CDH12: variants seen among roughly 807,000 people sequenced by gnomAD.
CDH12 encodes the protein cadherin-12.
CDH12 carries 41 observed loss-of-function variants against 74.1 expected under a neutral mutation model. That is an observed-to-expected ratio of 0.55 (90% CI 0.43 to 0.72). The LOEUF is 0.72. Among genes scored for constraint, CDH12 ranks in the 30% least tolerant of loss-of-function variants. The probability of loss-of-function intolerance (pLI) is 0.00; values close to 1 mark genes in which losing one functional copy is unlikely to be tolerated. For missense variants in CDH12, 945 were observed against 977.2 expected (o/e 0.97, Z 0.44); for synonymous variants, 399 against 355.0 (o/e 1.12, Z -1.39).
intron 3 of CDH12, among the ~76,000 whole-genome samples, chr5:22,313,296 GT>G (rs1738468465): frequency 6.6e-6 from 1 of 151,976 alleles, no homozygotes; most frequent in Non-Finnish European, 1.5e-5. Context: ...AAAGTGCCAT[GT>G]TTTTCTAAAT....
intron 1 of CDH12, among the ~76,000 whole-genome samples, chr5:22,588,641 T>C (rs1332485622): frequency 6.6e-6 from 1 of 152,156 alleles, no homozygotes; most frequent in African/African-American, 2.4e-5. Context: ...GAGAAACAAA[T>C]ATCCAGTCAA....
chr5:22,396,353 C>T (rs1200914827), intron 3 of CDH12, among the ~76,000 whole-genome samples: 2 of 152,076 alleles, frequency 1.3e-5, no homozygotes, highest in Non-Finnish European at 2.9e-5. Context: ...GCAAAGGAGA[C>T]TTTCTGCCTG....
At chr5:22,369,649 G>A (rs183429968) in intron 3 of CDH12, among the ~76,000 whole-genome samples, 1 of 152,182 alleles carries the variant, frequency 6.6e-6, no homozygotes, top group Non-Finnish European at 1.5e-5. Flanking sequence ...CTGAGGAGAT[G>A]CCACCATTTT....
At position 22,198,838 on chromosome 5, in the gene CDH12, C is replaced by T. The variant is rs189712819; in HGVS notation, c.-187+13660G>A. On this transcript the variant is annotated intron_variant, in intron 4 of 14. Transcript: ENST00000382254. ...AGCAGAATCACCCTCTTTACCAATC[C>T]TCAAGATTTTGAAATGTTTAACAAA... 6.8e-4 allele frequency among the ~76,000 whole-genome samples: 104 copies of T among 152,016 alleles called. 1 individual carries two copies. The East Asian group carries it at 0.016, about 23-fold the overall frequency.
rs556998190 is a variant in CDH12 at position 22,695,646 on chromosome 5, C to A, written c.-523+157412G>T. Among the ~76,000 whole-genome samples the A allele has an allele frequency of 8.5e-5, 13 of 152,270 alleles. No homozygotes were observed. The South Asian group carries it at 1.9e-3, about 22-fold the overall frequency. ...TCTAAATTTTCTAGTTTCTTCTTGACAATCTTTGGGTATTCTTTCTAATAA... is the reference window on the plus strand; with the variant it reads ...TCTAAATTTTCTAGTTTCTTCTTGAAAATCTTTGGGTATTCTTTCTAATAA... On this transcript the variant is annotated intron_variant, in intron 1 of 14. Coordinates refer to ENST00000382254, the MANE Select transcript of CDH12 (RefSeq NM_004061.5).
intron 3 of CDH12, among the ~76,000 whole-genome samples, chr5:22,314,372 G>A (rs1170089453): frequency 6.6e-6 from 1 of 152,130 alleles, no homozygotes; most frequent in Non-Finnish European, 1.5e-5. Context: ...CTTTTAGGGT[G>A]GAGCCCTAAT....
intron 4 of CDH12, among the ~76,000 whole-genome samples, chr5:22,153,614 G>A (rs911744608): frequency 6.6e-6 from 1 of 151,092 alleles, no homozygotes; most frequent in African/African-American, 2.4e-5. Flanking sequence ...TATCTGTAAA[G>A]TGGGAGTTAC....
At chr5:21,921,641 A>G (rs1464645851) in intron 6 of CDH12, among the ~76,000 whole-genome samples, 1 of 152,228 alleles carries the variant, frequency 6.6e-6, no homozygotes, top group Non-Finnish European at 1.5e-5. Flanking sequence ...TGAAAAAGAA[A>G]GACAATCCTT....
chr5:21,755,829 C>G lies in CDH12; in HGVS notation c.1647G>C (p.Gly549=), dbSNP rs764043124. The part of the protein sequence containing the change: ...TVRDFRNNTA[G]IETRRNGYSR... ...TGTATCCATTTCTTCGGGTTTCAAT[C>G]CCCGCTGTGTTGTCTACAAAACATG... Residue 549 remains glycine, a synonymous_variant, in exon 14 of 15, where the codon GGG becomes GGC. Transcript: ENST00000382254. 4 of 1,614,004 alleles carry G rather than the reference C, an allele frequency of 2.5e-6. No homozygotes were observed. The highest frequency in any genetic ancestry group is 2.2e-5 in the South Asian group (2 of 91,076).
chr5:22,550,890 G>A (rs148381754), intron 1 of CDH12, among the ~76,000 whole-genome samples: 264 of 152,268 alleles, frequency 1.7e-3, no homozygotes, highest in African/African-American at 6.1e-3. Context: ...CTTCAGCCAG[G>A]TGAGGCTTTT....
intron 13 of CDH12, among the ~76,000 whole-genome samples, 163 bp downstream of exon 13, chr5:21,760,395 T>C (rs1207078116): frequency 1.3e-5 from 2 of 152,170 alleles, no homozygotes; most frequent in Non-Finnish European, 2.9e-5. Context: ...TCTGTATAGA[T>C]TAAATATTTA....
chr5:22,738,782 C>G (rs1744870774), intron 1 of CDH12, among the ~76,000 whole-genome samples: 1 of 151,924 alleles, frequency 6.6e-6, no homozygotes, highest in African/African-American at 2.4e-5. Flanking sequence ...TTAATTACTT[C>G]AAAGGCACAC....
chr5:21,922,021 A>G (rs1053244109), intron 6 of CDH12, among the ~76,000 whole-genome samples: 22 of 152,104 alleles, frequency 1.4e-4, no homozygotes, highest in Admixed American at 1.4e-3. Flanking sequence ...AACTTCTTTT[A>G]CCATGGGGGT....
At chr5:21,939,858 A>C (rs1755251937) in intron 6 of CDH12, among the ~76,000 whole-genome samples, 1 of 152,144 alleles carries the variant, frequency 6.6e-6, no homozygotes, top group South Asian at 2.1e-4. Context: ...GTTCTTAATA[A>C]TTAAAAATAT....
At chr5:22,760,735 TCAAA>T (rs1171997860) in intron 1 of CDH12, among the ~76,000 whole-genome samples, 1 of 144,436 alleles carries the variant, frequency 6.9e-6, no homozygotes, top group Non-Finnish European at 1.5e-5. Flanking sequence ...AATCAATACG[TCAAA>T]CATTCTGATG....
chr5:22,016,460 A>G (rs1013190373), intron 5 of CDH12, among the ~76,000 whole-genome samples: 1 of 151,924 alleles, frequency 6.6e-6, no homozygotes, highest in African/African-American at 2.4e-5. Context: ...CAGTGGTGCA[A>G]TCTCGACTCA....
At chr5:22,466,180 T>C (rs1021482649) in intron 2 of CDH12, among the ~76,000 whole-genome samples, 1 of 152,236 alleles carries the variant, frequency 6.6e-6, no homozygotes, top group Non-Finnish European at 1.5e-5. Flanking sequence ...CAGATGTTGA[T>C]AACCCTCCTT....
intron 1 of CDH12, among the ~76,000 whole-genome samples, chr5:22,785,994 A>T (rs545933743): frequency 6.6e-6 from 1 of 152,290 alleles, no homozygotes; most frequent in South Asian, 2.1e-4. Context: ...AAATTGTTTT[A>T]TCACAAAGAA....
intron 5 of CDH12, among the ~76,000 whole-genome samples, chr5:21,989,048 A>C (rs887363623): frequency 4.6e-5 from 7 of 152,136 alleles, no homozygotes; most frequent in African/African-American, 1.7e-4. Context: ...ATGTATTTTC[A>C]TTGTGACAGG....
Sources: gnomAD v4.1 joint callset for allele counts (sites outside exome capture counted in the v4.1 genomes callset) on GRCh38, gnomAD v4.1.1 for gene constraint, MANE v1.5 for transcripts, NCBI Gene and HGNC (gene_info 2026-07-23, HGNC 2026-07-21) for gene names.